STARD13: variants seen among roughly 807,000 people sequenced by gnomAD.
STARD13 encodes StAR related lipid transfer domain containing 13.
A neutral mutation model predicts 106.4 loss-of-function variants in STARD13; 62 were observed. The observed-to-expected ratio is 0.58, with a 90% CI of 0.48 to 0.72. The LOEUF (loss-of-function observed/expected upper bound fraction) is 0.72, where lower values mean the gene tolerates loss of function less well. Ranked by LOEUF, STARD13 falls within the 30% of genes least tolerant of loss-of-function variation. The pLI, the probability that STARD13 is intolerant of heterozygous loss-of-function variation, is 0.00. For missense variants in STARD13, 1,387 were observed against 1,424.0 expected, an observed-to-expected ratio of 0.97 and a Z score of 0.42; for synonymous variants, 565 against 553.0, an observed-to-expected ratio of 1.02 and a Z score of -0.31.
chr13:33,667,163 G>A, the STARD13 span, among the ~76,000 whole-genome samples: 1 of 152,154 alleles, frequency 6.6e-6, no homozygotes, highest in African/African-American at 2.4e-5. Flanking sequence ...CTCTGTTTAA[G>A]AAGCTTCTGA....
chr13:33,562,584 AT>A, the STARD13 span, among the ~76,000 whole-genome samples: 16 of 146,910 alleles, frequency 1.1e-4, 4 homozygotes, highest in East Asian at 3.2e-3. Flanking sequence ...ACCACTAAAT[AT>A]TCTAAAGTCT....
the STARD13 span, among the ~76,000 whole-genome samples, chr13:33,561,526 G>A: frequency 6.6e-6 from 1 of 151,394 alleles, no homozygotes; most frequent in Non-Finnish European, 1.5e-5. Context: ...ATCTGTGTGA[G>A]TGTCTTTAGA....
At chr13:33,400,408 G>A in the STARD13 span, among the ~76,000 whole-genome samples, 2 of 151,436 alleles carry the variant, frequency 1.3e-5, no homozygotes, top group Non-Finnish European at 1.5e-5. Context: ...TCCATATCTT[G>A]CCTGTGGCGA....
chr13:33,662,791 C>CTACAACCCT, the STARD13 span, among the ~76,000 whole-genome samples: 1 of 152,180 alleles, frequency 6.6e-6, no homozygotes, highest in African/African-American at 2.4e-5. Flanking sequence ...TTGAAAACAG[C>CTACAACCCT]TACAACCCTA....
At chr13:33,404,075 G>A in the STARD13 span, among the ~76,000 whole-genome samples, 5 of 152,274 alleles carry the variant, frequency 3.3e-5, no homozygotes, top group East Asian at 1.9e-4. Context: ...GTAGTAATAC[G>A]CAGAAGAGGC....
intron 1 of STARD13, among the ~76,000 whole-genome samples, chr13:33,321,862 C>T (rs143478071): frequency 3.9e-4 from 60 of 152,324 alleles, no homozygotes; most frequent in African/African-American, 1.4e-3. Flanking sequence ...TCTTTCAGCA[C>T]TTACACACTC....
intron 11 of STARD13, 140 bp from the exon 12 acceptor site, chr13:33,110,230 C>T (rs1472599091): frequency 1.5e-6 from 1 of 672,224 alleles, no homozygotes; most frequent in Non-Finnish European, 2.5e-6. Context: ...GAGAGTGATA[C>T]TACATACCTC....
At chr13:33,363,783 C>T in the STARD13 span, among the ~76,000 whole-genome samples, 1 of 152,186 alleles carries the variant, frequency 6.6e-6, no homozygotes, top group Non-Finnish European at 1.5e-5. Flanking sequence ...TTAATGTCTG[C>T]ATCCCTAGTA....
At chr13:33,356,100 G>A in the STARD13 span, among the ~76,000 whole-genome samples, 1,918 of 152,194 alleles carry the variant, frequency 0.013, 38 homozygotes, top group Admixed American at 0.036. Flanking sequence ...GTACACTTTG[G>A]GGGGACCATG....
chr13:33,372,472 A>G, the STARD13 span, among the ~76,000 whole-genome samples: 6 of 151,874 alleles, frequency 4.0e-5, no homozygotes, highest in South Asian at 1.3e-3. Context: ...AAATGACCCC[A>G]GGAAAGCAAT....
At chr13:33,321,594 T>C (rs986249426) in intron 1 of STARD13, among the ~76,000 whole-genome samples, 1 of 152,202 alleles carries the variant, frequency 6.6e-6, no homozygotes, top group Non-Finnish European at 1.5e-5. Context: ...TATATTATCT[T>C]ATTTAATACT....
At chr13:33,437,874 C>T in the STARD13 span, among the ~76,000 whole-genome samples, 1 of 152,160 alleles carries the variant, frequency 6.6e-6, no homozygotes, top group East Asian at 1.9e-4. Context: ...TTGATTTTTT[C>T]CCCTGCCAAA....
the STARD13 span, among the ~76,000 whole-genome samples, chr13:33,625,735 C>T: frequency 6.6e-6 from 1 of 151,832 alleles, no homozygotes; most frequent in African/African-American, 2.4e-5. Context: ...CGGAGTCTCG[C>T]TCTGTCACCA....
At chr13:33,548,960 A>AT in the STARD13 span, among the ~76,000 whole-genome samples, 2 of 152,148 alleles carry the variant, frequency 1.3e-5, no homozygotes, top group African/African-American at 4.8e-5. Context: ...ATAGAAAAAT[A>AT]TTTTTTTAAA....
At chr13:33,672,924 T>A in the STARD13 span, among the ~76,000 whole-genome samples, 1 of 152,234 alleles carries the variant, frequency 6.6e-6, no homozygotes, top group Non-Finnish European at 1.5e-5. Context: ...TCCATTGGCA[T>A]CTCTTTTGGA....
chr13:33,489,364 G>A, the STARD13 span, among the ~76,000 whole-genome samples: 1 of 151,506 alleles, frequency 6.6e-6, no homozygotes, highest in South Asian at 2.1e-4. Context: ...GTGTTATTAA[G>A]TTATCTCTTG....
the STARD13 span, among the ~76,000 whole-genome samples, chr13:33,503,765 G>A: frequency 6.6e-6 from 1 of 152,046 alleles, no homozygotes; most frequent in Non-Finnish European, 1.5e-5. Flanking sequence ...TATAATTTCT[G>A]TTCTTTTATA....
chr13:33,383,607 A>T, the STARD13 span: 1 of 151,660 alleles, frequency 6.6e-6, no homozygotes, highest in African/African-American at 2.4e-5. Context: ...AAAGAAAAAA[A>T]TTGGCAGGGC....
the STARD13 span, among the ~76,000 whole-genome samples, chr13:33,419,688 T>A: frequency 1.3e-5 from 2 of 152,222 alleles, no homozygotes; most frequent in Non-Finnish European, 2.9e-5. Context: ...AAGGAAAAAG[T>A]GTTAAAAGCA....
Sources: gnomAD v4.1 joint callset for allele counts (sites outside exome capture counted in the v4.1 genomes callset) on GRCh38, gnomAD v4.1.1 for gene constraint, MANE v1.5 for transcripts, NCBI Gene and HGNC (gene_info 2026-07-23, HGNC 2026-07-21) for gene names.